Variants in MCTP1 observed in about 807,000 individuals in gnomAD.
MCTP1 encodes multiple C2 and transmembrane domain-containing protein 1.
Under a neutral mutation model 120.6 loss-of-function variants are expected in MCTP1, and 69 were observed. The ratio of observed to expected loss-of-function variants is 0.57; its 90% confidence interval spans 0.47 to 0.70. The LOEUF is 0.70. Among genes scored for constraint, MCTP1 ranks in the 30% least tolerant of loss-of-function variants. The probability of loss-of-function intolerance (pLI) is 0.00; values close to 1 mark genes in which losing one functional copy is unlikely to be tolerated. For missense variants in MCTP1, 1,203 were observed against 1,248.8 expected (o/e 0.96, Z 0.55); for synonymous variants, 529 against 493.1 (o/e 1.07, Z -0.96).
rs376255256 is a variant in MCTP1 at position 95,094,947 on chromosome 5, C to T, written c.721-77463G>A. On this transcript the variant is annotated intron_variant, in intron 1 of 22. Transcript: ENST00000515393. The stretch of plus-strand genomic sequence containing the variant: ...TGGTATTTGCACATTTTTTGTTTTG[C>T]TTCCTAGTGATTACTTCTGCCCAAG... 3.6e-5 allele frequency among the ~76,000 whole-genome samples: 5 copies of T among 139,084 alleles called. No individual in the cohort carries two copies. In the East Asian group the frequency reaches 1.0e-3, roughly 29 times the overall value. The allele number at this position is 139,084 out of a possible 152,430, so 91.2% of individuals were successfully genotyped here. A position where few individuals can be genotyped will look rare whatever the true frequency, so the allele number is the denominator to read the frequency against.
intron 19 of MCTP1, among the ~76,000 whole-genome samples, chr5:94,751,205 C>A (rs1326655600): frequency 1.3e-5 from 2 of 152,028 alleles, no homozygotes; most frequent in African/African-American, 4.8e-5. Flanking sequence ...CTCTCCTTTT[C>A]TCCTTTAGTA....
At chr5:94,948,528 G>A (rs1411109135) in intron 3 of MCTP1, among the ~76,000 whole-genome samples, 1 of 152,058 alleles carries the variant, frequency 6.6e-6, no homozygotes, top group Non-Finnish European at 1.5e-5. Flanking sequence ...TGAATCATGT[G>A]AAACAAAACA....
intron 1 of MCTP1, among the ~76,000 whole-genome samples, chr5:95,087,291 T>A (rs1755506218): frequency 6.6e-6 from 1 of 152,158 alleles, no homozygotes; most frequent in Non-Finnish European, 1.5e-5. Flanking sequence ...TTGAAATAAA[T>A]ATATAGCAGG....
At chr5:95,155,369 A>G (rs977076168) in intron 1 of MCTP1, among the ~76,000 whole-genome samples, 32 of 152,288 alleles carry the variant, frequency 2.1e-4, no homozygotes, top group African/African-American at 7.5e-4. Context: ...TTTAGGCAAG[A>G]TTGTTGGACT....
chr5:94,808,873 A>G (rs1401231463), intron 17 of MCTP1, among the ~76,000 whole-genome samples: 3 of 152,124 alleles, frequency 2.0e-5, no homozygotes, highest in Non-Finnish European at 2.9e-5. Flanking sequence ...GTTTCTTTGG[A>G]TTTACTAGGA....
At chr5:94,841,451 C>A (rs1266414036) in intron 17 of MCTP1, among the ~76,000 whole-genome samples, 1 of 152,124 alleles carries the variant, frequency 6.6e-6, no homozygotes, top group Non-Finnish European at 1.5e-5. Context: ...ACAACTCCCA[C>A]CCCAAACACT....
intron 17 of MCTP1, among the ~76,000 whole-genome samples, chr5:94,801,828 A>G (rs1269238186): frequency 2.6e-5 from 4 of 152,188 alleles, no homozygotes; most frequent in Non-Finnish European, 5.9e-5. Context: ...TCTTTCATGC[A>G]TTCTTCTTCT....
chr5:95,047,128 C>A (rs901040815), intron 1 of MCTP1, among the ~76,000 whole-genome samples: 10 of 152,066 alleles, frequency 6.6e-5, no homozygotes, highest in African/African-American at 2.4e-4. Context: ...TCATAACAGG[C>A]CTGAGGATGA....
chr5:94,839,460 G>A (rs1561725145), intron 17 of MCTP1, among the ~76,000 whole-genome samples: 1 of 152,012 alleles, frequency 6.6e-6, no homozygotes, highest in Non-Finnish European at 1.5e-5. Context: ...AGTTTGCTGA[G>A]GGTATGCAGA....
At chr5:95,183,982 G>A (rs916365061) in intron 1 of MCTP1, among the ~76,000 whole-genome samples, 2 of 151,058 alleles carry the variant, frequency 1.3e-5, no homozygotes, top group African/African-American at 2.4e-5. Flanking sequence ...GCAGGGAGGG[G>A]AACATCACAC....
chr5:94,962,109 G>A (rs764705214), intron 2 of MCTP1, among the ~76,000 whole-genome samples: 39 of 150,812 alleles, frequency 2.6e-4, no homozygotes, highest in Non-Finnish European at 5.3e-4. Flanking sequence ...CCTTACTCCT[G>A]CGCAAATGGC....
chr5:94,928,789 T>A (rs1200499573), intron 6 of MCTP1, among the ~76,000 whole-genome samples: 1 of 152,104 alleles, frequency 6.6e-6, no homozygotes, highest in Non-Finnish European at 1.5e-5. Context: ...TTTAGATGCA[T>A]TTTTTTCCTA....
At chr5:95,227,406 T>C (rs1329757039) in intron 1 of MCTP1, among the ~76,000 whole-genome samples, 1 of 152,188 alleles carries the variant, frequency 6.6e-6, no homozygotes, top group Non-Finnish European at 1.5e-5. Context: ...CTAGCCCTAA[T>C]AGAATCAATC....
At chr5:95,036,470 G>A (rs764526610) in intron 1 of MCTP1, among the ~76,000 whole-genome samples, 10 of 152,112 alleles carry the variant, frequency 6.6e-5, no homozygotes, top group Non-Finnish European at 1.0e-4. Flanking sequence ...AAACAAAGAA[G>A]CCTCTGTATT....
intron 8 of MCTP1, among the ~76,000 whole-genome samples, chr5:94,915,839 A>G (rs541545852): frequency 6.6e-6 from 1 of 152,200 alleles, no homozygotes; most frequent in South Asian, 2.1e-4. Context: ...AATAAAATGA[A>G]CATAATAGAG....
chr5:95,266,384 A>G (rs1028585353), intron 1 of MCTP1, among the ~76,000 whole-genome samples: 1 of 152,242 alleles, frequency 6.6e-6, no homozygotes, highest in East Asian at 1.9e-4. Flanking sequence ...GGAAGAATGC[A>G]CAATTCTGGT....
chr5:95,248,345 G>A (rs1268277708), intron 1 of MCTP1, among the ~76,000 whole-genome samples: 1 of 152,116 alleles, frequency 6.6e-6, no homozygotes, highest in Non-Finnish European at 1.5e-5. Context: ...CAAAATCAAT[G>A]TGCAAAAATC....
chr5:95,283,939 G>A lies in MCTP1; in HGVS notation c.637C>T (p.Pro213Ser). The A allele has an allele frequency of 1.4e-6, 2 of 1,404,342 alleles. No homozygotes were observed. The highest frequency in any genetic ancestry group is 1.8e-6 in the Non-Finnish European group (2 of 1,086,246). 87.0% of individuals were successfully genotyped at this position (1,404,342 alleles called of 1,614,324 possible). Residue 213 changes from proline (P) to serine (S), a missense_variant, in exon 1 of 23, where the codon CCG becomes TCG. Pro to Ser is a moderately conservative substitution (Grantham distance 74). Transcript: ENST00000515393. ...GCCGGCTCTGCGGGAGGAGGCGGCG[G>A]CTCCAGCAGCTGCTCCAGGCAGGCG... is the stretch of plus-strand genomic sequence containing the variant. ...GTACLEQLLE[P>S]PPPPAEPARS...
At chr5:94,816,633 GTTTTTA>G (rs1784521798) in intron 17 of MCTP1, among the ~76,000 whole-genome samples, 1 of 151,930 alleles carries the variant, frequency 6.6e-6, no homozygotes, top group African/African-American at 2.4e-5. Flanking sequence ...TCAATTATAT[GTTTTTA>G]TTTTTATTCC....
Sources: allele counts gnomAD v4.1 joint callset (sites outside exome capture counted in the v4.1 genomes callset), GRCh38; gene constraint gnomAD v4.1.1; transcripts MANE v1.5; gene names NCBI Gene and HGNC (gene_info 2026-07-23, HGNC 2026-07-21).